The following AGMO variants were observed in gnomAD, a reference collection of about 807,000 sequenced individuals.
AGMO encodes the protein glyceryl-ether monooxygenase.
In AGMO, 75 loss-of-function variants were observed where a neutral mutation model predicts 60.2. That is an observed-to-expected ratio of 1.25 (90% CI 1.03 to 1.51). The LOEUF is 1.51. Among genes scored for constraint, AGMO ranks in the 40% most tolerant of loss-of-function variants. AGMO has a pLI of 0.00. For synonymous variants in AGMO, 261 were observed against 177.1 expected, an observed-to-expected ratio of 1.47 and a Z score of -3.76; for missense variants, 763 against 525.5, an observed-to-expected ratio of 1.45 and a Z score of -4.42.
chr7:15,171,304 A>G, the AGMO span, among the ~76,000 whole-genome samples: 1 of 152,176 alleles, frequency 6.6e-6, no homozygotes, highest in African/African-American at 2.4e-5. Context: ...TATGGCAGGA[A>G]GACCACAGAG....
chr7:15,198,247 GAGAGAGAGAC>G (rs1267923985), downstream of AGMO, among the ~76,000 whole-genome samples: 1,445 of 84,830 alleles, frequency 0.017, 77 homozygotes, highest in African/African-American at 0.056. Context: ...GAGAGAGAGA[GAGAGAGAGAC>G]AGAGACAGAG....
intron 12 of AGMO, among the ~76,000 whole-genome samples, chr7:15,283,106 A>G (rs1784011880): frequency 6.6e-6 from 1 of 152,162 alleles, no homozygotes; most frequent in Non-Finnish European, 1.5e-5. Flanking sequence ...TGTTGAAACA[A>G]AAGTCCTATA....
chr7:15,552,157 A>G (rs1784981533), intron 2 of AGMO, among the ~76,000 whole-genome samples: 1 of 152,166 alleles, frequency 6.6e-6, no homozygotes, highest in Admixed American at 6.5e-5. Context: ...TACACCCTAT[A>G]CAAAAATCAA....
chr7:15,253,684 ATTTC>A (rs1196885377), intron 12 of AGMO, among the ~76,000 whole-genome samples: 3 of 152,118 alleles, frequency 2.0e-5, no homozygotes, highest in Admixed American at 1.3e-4. Flanking sequence ...AACGTTTATT[ATTTC>A]TTTGTTGTGA....
At chr7:15,550,712 A>T (rs1266057594) in intron 2 of AGMO, among the ~76,000 whole-genome samples, 3 of 143,412 alleles carry the variant, frequency 2.1e-5, no homozygotes, top group South Asian at 2.3e-4. Flanking sequence ...GACCAGATGG[A>T]TTCACAGCCG....
intron 12 of AGMO, among the ~76,000 whole-genome samples, chr7:15,240,861 AT>A (rs200243877): frequency 4.0e-5 from 6 of 151,380 alleles, no homozygotes; most frequent in Admixed American, 6.6e-5. Context: ...CATCTAGGTG[AT>A]TTTTTTTTCC....
intron 10 of AGMO, among the ~76,000 whole-genome samples, chr7:15,378,760 T>A (rs866974080): frequency 6.6e-6 from 1 of 151,750 alleles, no homozygotes; most frequent in African/African-American, 2.4e-5. Context: ...GCCTTTCTAA[T>A]CTCAGTGATG....
chr7:15,128,026 G>T, the AGMO span, among the ~76,000 whole-genome samples: 12 of 151,958 alleles, frequency 7.9e-5, no homozygotes, highest in Admixed American at 3.9e-4. Context: ...CTTGTAGTTT[G>T]GATATACAAC....
At chr7:15,378,641 G>C (rs1046858740) in intron 10 of AGMO, among the ~76,000 whole-genome samples, 2 of 151,860 alleles carry the variant, frequency 1.3e-5, no homozygotes, top group African/African-American at 2.4e-5. Flanking sequence ...CATCCAGACA[G>C]AGAATTAACA....
chr7:15,408,777 A>G (rs1248488502), intron 5 of AGMO, among the ~76,000 whole-genome samples: 3 of 151,866 alleles, frequency 2.0e-5, no homozygotes, highest in Non-Finnish European at 2.9e-5. Flanking sequence ...TTGTTTCCTC[A>G]CTTTGAGTGG....
intron 12 of AGMO, among the ~76,000 whole-genome samples, chr7:15,247,676 CTAA>C (rs1782789382): frequency 6.6e-6 from 1 of 152,130 alleles, no homozygotes; most frequent in African/African-American, 2.4e-5. Flanking sequence ...ATTCTGAAAA[CTAA>C]TAACAAAATA....
At chr7:15,121,743 G>T in the AGMO span, among the ~76,000 whole-genome samples, 4 of 151,940 alleles carry the variant, frequency 2.6e-5, no homozygotes, top group Non-Finnish European at 5.9e-5. Flanking sequence ...TAGACCAATG[G>T]AACAGAACAG....
intron 12 of AGMO, among the ~76,000 whole-genome samples, chr7:15,342,772 A>G (rs1721666410): frequency 8.6e-6 from 1 of 116,726 alleles, no homozygotes; most frequent in South Asian, 3.4e-4. Context: ...GGAGTACAGT[A>G]TAGCTGCAAA....
At chr7:15,550,393 G>A (rs1177421332) in intron 2 of AGMO, among the ~76,000 whole-genome samples, 1 of 151,878 alleles carries the variant, frequency 6.6e-6, no homozygotes, top group African/African-American at 2.4e-5. Context: ...TTTTTTGAAA[G>A]GATCAACAAA....
chr7:15,295,413 T>G (rs1784381937), intron 12 of AGMO, among the ~76,000 whole-genome samples: 1 of 152,014 alleles, frequency 6.6e-6, no homozygotes, highest in African/African-American at 2.4e-5. Flanking sequence ...CAGATTGACA[T>G]TAAACAAGAT....
At chr7:15,435,668 T>C (rs1015940792) in intron 3 of AGMO, among the ~76,000 whole-genome samples, 1 of 152,200 alleles carries the variant, frequency 6.6e-6, no homozygotes, top group Admixed American at 6.5e-5. Flanking sequence ...TAGCCTTTTT[T>C]TTAAATAGTG....
intron 3 of AGMO, among the ~76,000 whole-genome samples, chr7:15,530,444 T>C (rs1049290212): frequency 1.5e-5 from 2 of 129,796 alleles, no homozygotes; most frequent in Non-Finnish European, 3.1e-5. Flanking sequence ...ATATATATTC[T>C]ATATACGTAT....
At chr7:15,431,524 T>C (rs1781240019) in intron 3 of AGMO, among the ~76,000 whole-genome samples, 1 of 151,820 alleles carries the variant, frequency 6.6e-6, no homozygotes, top group African/African-American at 2.4e-5. Flanking sequence ...AATTGTCTGA[T>C]GGGAGAAATT....
At chr7:15,297,862 GAACT>G (rs1414978670) in intron 12 of AGMO, among the ~76,000 whole-genome samples, 1 of 152,060 alleles carries the variant, frequency 6.6e-6, no homozygotes, top group African/African-American at 2.4e-5. Flanking sequence ...AATAGATATT[GAACT>G]AACATAAAAT....
Sources: allele counts gnomAD v4.1 joint callset (sites outside exome capture counted in the v4.1 genomes callset), GRCh38; gene constraint gnomAD v4.1.1; transcripts MANE v1.5; gene names NCBI Gene and HGNC (gene_info 2026-07-23, HGNC 2026-07-21).